The following ATG7 variants were observed in gnomAD, a reference collection of about 807,000 sequenced individuals.
ATG7 encodes the protein ubiquitin-like modifier-activating enzyme ATG7.
Under a neutral mutation model 82.4 loss-of-function variants are expected in ATG7, and 70 were observed. The ratio of observed to expected loss-of-function variants is 0.85; its 90% confidence interval spans 0.70 to 1.04. ATG7 has a LOEUF of 1.04. Among genes scored for constraint, ATG7 ranks in the 50% least tolerant of loss-of-function variants. ATG7 has a pLI of 0.00. For synonymous variants in ATG7, 287 were observed against 313.0 expected, an observed-to-expected ratio of 0.92 and a Z score of 0.88; for missense variants, 792 against 864.3, an observed-to-expected ratio of 0.92 and a Z score of 1.05.
At position 11,306,950 on chromosome 3, in the gene ATG7, C is replaced by T. The variant is rs765493466; in HGVS notation, c.223C>T (p.Pro75Ser). Residue 75 changes from proline to serine, a missense_variant, in exon 6 of 21, where the codon CCC becomes TCC. Coordinates refer to ENST00000693202, the MANE Select transcript of ATG7 (RefSeq NM_001349232.2). ...LEFSAFDMSA[P>S]TPARCCPAIG... ...TGTTTCTCTTGTATCTAGGAGTGCT[C>T]CCACCCCAGCCCGTTGCTGCCCAGC... 17 of 1,613,734 alleles carry T rather than the reference C, an allele frequency of 1.1e-5. No individual in the cohort carries two copies. The highest frequency in any genetic ancestry group is 1.3e-5 in the Non-Finnish European group (15 of 1,179,766).
Position 11,340,630 on chromosome 3 carries a change from T to C in ATG7, c.890-15T>C. The C allele has an allele frequency of 6.2e-7, 1 of 1,608,614 alleles. No homozygotes were observed. Among genetic ancestry groups the C allele is most frequent in the Non-Finnish European group, 8.5e-7 (1 of 1,175,832 alleles). ...TTCCCTCCTTCATTAAACTTTGTGT[T>C]TTATTTGCCTTAAGATTGTCCTAAA... is the stretch of plus-strand genomic sequence containing the variant. On this transcript the variant is annotated splice_polypyrimidine_tract_variant and intron_variant, in intron 11 of 20. Coordinates refer to ENST00000693202, the MANE Select transcript of ATG7 (RefSeq NM_001349232.2).
chr3:11,274,565 T>C (rs2152612829), intron 1 of ATG7, among the ~76,000 whole-genome samples: 1 of 152,002 alleles, frequency 6.6e-6, no homozygotes, highest in South Asian at 2.1e-4. Context: ...TGTGGAGGTG[T>C]AGGATGAGAG....
chr3:11,286,915 AT>A (rs1307543108), intron 3 of ATG7, among the ~76,000 whole-genome samples: 10 of 148,382 alleles, frequency 6.7e-5, no homozygotes, highest in Admixed American at 4.7e-4. Context: ...TTTTTTTATT[AT>A]TATTATTATT....
chr3:11,523,382 C>A (rs1258520549), intron 20 of ATG7, among the ~76,000 whole-genome samples: 1 of 152,254 alleles, frequency 6.6e-6, no homozygotes, highest in Non-Finnish European at 1.5e-5. Context: ...CGGGGTACAT[C>A]TATCTGGCCT....
chr3:11,442,019 T>C lies in ATG7; in HGVS notation c.2079+15093T>C, dbSNP rs144496598. On this transcript the variant is annotated intron_variant, in intron 20 of 20. Coordinates refer to ENST00000693202, the MANE Select transcript of ATG7 (RefSeq NM_001349232.2). ...GGTTTCACTATGTTGCCCAGGCTGG[T>C]CTTGAACTCCTGGCCTCAAGCCATT... Among the ~76,000 whole-genome samples the C allele has an allele frequency of 2.0e-5, 3 of 152,316 alleles. No individual in the cohort carries two copies. In the East Asian group the frequency reaches 5.8e-4, roughly 29 times the overall value.
chr3:11,280,171 C>T (rs1367320275), intron 1 of ATG7, among the ~76,000 whole-genome samples: 3 of 152,028 alleles, frequency 2.0e-5, no homozygotes, highest in East Asian at 1.9e-4. Context: ...TTCAGCCTTC[C>T]GAGTAGCTGG....
downstream of ATG7, among the ~76,000 whole-genome samples, chr3:11,562,544 T>A (rs139862530): frequency 3.3e-3 from 495 of 152,304 alleles, 2 homozygotes; most frequent in African/African-American, 0.011. Context: ...CCAACAGACT[T>A]CCAGGAAGAG....
intron 20 of ATG7, among the ~76,000 whole-genome samples, chr3:11,453,382 G>T (rs183237337): frequency 7.2e-5 from 11 of 152,284 alleles, no homozygotes; most frequent in African/African-American, 2.4e-4. Flanking sequence ...AACTCAGAGG[G>T]ATAAAAGGAT....
At chr3:11,277,891 ACCCCC>A (rs71626995) in intron 1 of ATG7, among the ~76,000 whole-genome samples, 1 of 60,770 alleles carries the variant, frequency 1.6e-5, no homozygotes, top group African/African-American at 6.8e-5. Context: ...CCCTTTATAG[ACCCCC>A]CCCCCCCCAC....
chr3:11,504,460 G>A (rs1473897583), intron 20 of ATG7, among the ~76,000 whole-genome samples: 1 of 151,866 alleles, frequency 6.6e-6, no homozygotes, highest in Non-Finnish European at 1.5e-5. Flanking sequence ...TATAGGGAAT[G>A]GGAGATCCCA....
the ATG7 span, among the ~76,000 whole-genome samples, chr3:11,569,351 C>G: frequency 6.6e-6 from 1 of 152,282 alleles, no homozygotes; most frequent in South Asian, 2.1e-4. Flanking sequence ...TCTGGGGTCC[C>G]CAAAGGCCCC....
chr3:11,378,027 A>ATTTTTTTTTTTTT lies in ATG7; in HGVS notation c.1876-1939_1876-1927dup, dbSNP rs61176051. The stretch of plus-strand genomic sequence containing the variant: ...GCTATCTAACTTATACCAGTTACCA[A>ATTTTTTTTTTTTT]TTTTTTTTTTTTTTTTTTGAGATGG... On this transcript the variant is annotated intron_variant, in intron 18 of 20. Coordinates refer to ENST00000693202, the MANE Select transcript of ATG7 (RefSeq NM_001349232.2). Among the ~76,000 whole-genome samples the ATTTTTTTTTTTTT allele has an allele frequency of 2.2e-3, 200 of 92,724 alleles. 39 individuals are homozygous for ATTTTTTTTTTTTT. Among genetic ancestry groups the ATTTTTTTTTTTTT allele is most frequent in the African/African-American group, 9.2e-3 (173 of 18,714 alleles). 60.8% of individuals were successfully genotyped at this position (92,724 alleles called of 152,430 possible).
chr3:11,575,566 A>T, the ATG7 span, among the ~76,000 whole-genome samples: 2 of 152,202 alleles, frequency 1.3e-5, no homozygotes, highest in Non-Finnish European at 2.9e-5. Context: ...ACACTTGGGA[A>T]ACCTGGCGGA....
chr3:11,448,198 TACC>T (rs1172814177), intron 20 of ATG7, among the ~76,000 whole-genome samples: 1 of 152,210 alleles, frequency 6.6e-6, no homozygotes, highest in Non-Finnish European at 1.5e-5. Context: ...CAGTCTTCCT[TACC>T]ACCACCTCCA....
At chr3:11,524,863 C>G (rs902895313) in intron 20 of ATG7, among the ~76,000 whole-genome samples, 3 of 152,098 alleles carry the variant, frequency 2.0e-5, no homozygotes, top group African/African-American at 7.2e-5. Context: ...TCCTGTCATC[C>G]TCCAGGTGAG....
intron 18 of ATG7, among the ~76,000 whole-genome samples, chr3:11,375,503 C>T (rs2077350919): frequency 6.6e-6 from 1 of 152,194 alleles, no homozygotes; most frequent in Admixed American, 6.5e-5. Context: ...GAGACAACAA[C>T]AGGTGTTGAC....
chr3:11,566,363 A>G, the ATG7 span, among the ~76,000 whole-genome samples: 1 of 152,260 alleles, frequency 6.6e-6, no homozygotes, highest in Non-Finnish European at 1.5e-5. Flanking sequence ...GTAAAACTAC[A>G]GTACAATATC....
At position 11,295,326 on chromosome 3, in the gene ATG7, G is replaced by GT. The variant is rs1320385293; in HGVS notation, c.-10-3353dup. On this transcript the variant is annotated intron_variant, in intron 3 of 20. Transcript: ENST00000693202. ...CCTCATTCCTTCTGTTTGCTTTTCA[G>GT]TTTTTTTAAGACCTTGTTGTGAGTC... Among the ~76,000 whole-genome samples, 3 of 152,082 alleles carry GT rather than the reference G, an allele frequency of 2.0e-5. No homozygotes were observed. In the East Asian group the frequency reaches 5.8e-4, roughly 29 times the overall value.
At chr3:11,383,775 T>G (rs927559250) in intron 19 of ATG7, among the ~76,000 whole-genome samples, 1 of 152,204 alleles carries the variant, frequency 6.6e-6, no homozygotes, top group African/African-American at 2.4e-5. Context: ...ACTCACTTGC[T>G]GAAGTCTAGA....
Sources: gnomAD v4.1 joint callset for allele counts (sites outside exome capture counted in the v4.1 genomes callset) on GRCh38, gnomAD v4.1.1 for gene constraint, MANE v1.5 for transcripts, NCBI Gene and HGNC (gene_info 2026-07-23, HGNC 2026-07-21) for gene names.